The following ENTPD5 variants were observed in gnomAD, a reference collection of about 807,000 sequenced individuals.
ENTPD5 encodes nucleoside diphosphate phosphatase ENTPD5.
In ENTPD5, 49 loss-of-function variants were observed where a neutral mutation model predicts 60.2. The observed-to-expected ratio is 0.81, with a 90% CI of 0.65 to 1.03. The LOEUF (loss-of-function observed/expected upper bound fraction) is 1.03, where lower values mean the gene tolerates loss of function less well. Ranked by LOEUF, ENTPD5 falls within the 50% of genes least tolerant of loss-of-function variation. ENTPD5 has a pLI of 0.00. For synonymous variants in ENTPD5, 187 were observed against 185.4 expected, an observed-to-expected ratio of 1.01 and a Z score of -0.07; for missense variants, 480 against 507.6, an observed-to-expected ratio of 0.95 and a Z score of 0.52.
Position 73,988,046 on chromosome 14 carries a change from G to A in ENTPD5, c.57C>T (p.Ser19=), listed in dbSNP as rs774219972. The A allele has an allele frequency of 1.4e-5, 22 of 1,613,784 alleles. No individual in the cohort carries two copies. Among genetic ancestry groups the A allele is most frequent in the Admixed American group, 1.7e-5 (1 of 59,962 alleles). The stretch of plus-strand genomic sequence containing the variant: ...TCTGCTGGTTCCTGTGGGAGACAGC[G>A]CTGCAAACACAGGATACCACCAGCA... ...FFMLVVSCVC[S]AVSHRNQQTW... Residue 19 remains serine, a synonymous_variant, in exon 4 of 16, where the codon AGC becomes AGT. Coordinates refer to ENST00000334696, the MANE Select transcript of ENTPD5 (RefSeq NM_001249.5).
intron 3 of ENTPD5, among the ~76,000 whole-genome samples, chr14:73,988,823 T>A (rs77704848): frequency 4.6e-5 from 7 of 152,250 alleles, no homozygotes; most frequent in East Asian, 3.9e-4. Context: ...CCTTTGCTTT[T>A]TTTTATTTTA....
At chr14:74,009,863 C>T (rs1380655515) in intron 3 of ENTPD5, among the ~76,000 whole-genome samples, 1 of 152,046 alleles carries the variant, frequency 6.6e-6, no homozygotes, top group Non-Finnish European at 1.5e-5. Flanking sequence ...ATGATCTCGG[C>T]TCATTGCAAG....
At chr14:73,982,006 A>C (rs2057710705) in intron 6 of ENTPD5, among the ~76,000 whole-genome samples, 1 of 152,214 alleles carries the variant, frequency 6.6e-6, no homozygotes, top group Non-Finnish European at 1.5e-5. Flanking sequence ...AACTCACTAT[A>C]AAAGAGCATG....
chr14:73,988,491 T>A (rs561144966), intron 3 of ENTPD5, among the ~76,000 whole-genome samples: 1 of 152,252 alleles, frequency 6.6e-6, no homozygotes, highest in Non-Finnish European at 1.5e-5. Context: ...ATCTAGGATA[T>A]CTATTACAAC....
chr14:73,975,012 C>A (rs764821010), intron 10 of ENTPD5, 27 bp from the exon 11 acceptor site: 1 of 1,565,796 alleles, frequency 6.4e-7, no homozygotes, highest in Non-Finnish European at 8.8e-7. Context: ...TGACTAATTT[C>A]ATGCTGGTCC....
chr14:73,997,020 C>T (rs1370649795), intron 3 of ENTPD5, among the ~76,000 whole-genome samples: 2 of 152,198 alleles, frequency 1.3e-5, no homozygotes, highest in East Asian at 3.9e-4. Context: ...CAGAAATGCA[C>T]ACAAAGTGCT....
At chr14:73,990,363 C>G (rs1268014998) in intron 3 of ENTPD5, among the ~76,000 whole-genome samples, 2 of 143,962 alleles carry the variant, frequency 1.4e-5, no homozygotes, top group South Asian at 2.2e-4. Flanking sequence ...GAGACAGGGT[C>G]TCACTCTGTC....
intron 3 of ENTPD5, chr14:74,003,408 T>C: frequency 1.2e-6 from 1 of 830,984 alleles, no homozygotes; most frequent in South Asian, 1.4e-5. Flanking sequence ...GAGAGCTAAG[T>C]GGAGGAAAAA....
intron 2 of ENTPD5, among the ~76,000 whole-genome samples, chr14:74,012,051 G>A (rs562173580): frequency 2.6e-5 from 4 of 152,214 alleles, no homozygotes; most frequent in South Asian, 2.1e-4. Flanking sequence ...TTTGACTCAC[G>A]CAACCCATGT....
chr14:73,959,727 G>T (rs921395618), downstream of ENTPD5: 9 of 1,156,670 alleles, frequency 7.8e-6, no homozygotes, highest in Non-Finnish European at 1.1e-5. Context: ...GTGCCACCAT[G>T]CCCAGCTAAT....
rs183635190 is a variant in ENTPD5 at position 73,976,999 on chromosome 14, A to G, written c.553+25T>C. ...TGCATGTAAAAGCTAGTTAAGCTCT[A>G]AAGATAAACTTGAGGATGTATTACC... On this transcript the variant is annotated intron_variant, in intron 8 of 15. Coordinates refer to ENST00000334696, the MANE Select transcript of ENTPD5 (RefSeq NM_001249.5). The G allele has an allele frequency of 7.8e-5, 124 of 1,593,664 alleles. No homozygotes were observed. In the African/African-American group the frequency reaches 1.5e-3, roughly 19 times the overall value.
At chr14:73,974,063 G>A in intron 11 of ENTPD5, 85 bp from the exon 12 acceptor site, 1 of 1,060,068 alleles carries the variant, frequency 9.4e-7, no homozygotes, top group Non-Finnish European at 1.5e-6. Flanking sequence ...AGGTGGAAAA[G>A]AATCACCATG....
rs908547404 is a variant in ENTPD5, at chr14:73,986,912, A to T, written c.218-19T>A. On this transcript the variant is annotated intron_variant, in intron 4 of 15. Transcript: ENST00000334696. ...AGCTGTCCTATTTTGTCCATGGAAC[A>T]AAACAGAAGAGAGAGCTGGTTACCA... 3 of 1,600,502 alleles carry T rather than the reference A, an allele frequency of 1.9e-6. No homozygotes were observed. Among genetic ancestry groups the T allele is most frequent in the African/African-American group, 2.7e-5 (2 of 74,630 alleles).
chr14:73,961,956 CT>C (rs996483757), downstream of ENTPD5: 23 of 1,599,160 alleles, frequency 1.4e-5, 1 homozygote, highest in Admixed American at 1.0e-4. Flanking sequence ...ATTTCTTTTG[CT>C]TTTTTTTGAA....
rs749380446 is a variant in ENTPD5, at chr14:73,966,922, G to A, written c.*6C>T. 63 of 1,611,506 alleles carry A rather than the reference G, an allele frequency of 3.9e-5. No homozygotes were observed. The highest frequency in any genetic ancestry group is 4.4e-5 in the Non-Finnish European group (52 of 1,177,744). ...CAAATGCAGGTCTCCAAGGAAGTACGTGGCCTCAATGGGAGATGCCCAGAG... is the reference window on the plus strand; with the variant it reads ...CAAATGCAGGTCTCCAAGGAAGTACATGGCCTCAATGGGAGATGCCCAGAG... On this transcript the variant is annotated 3_prime_UTR_variant, in exon 16 of 16. Transcript: ENST00000334696.
At chr14:73,959,789 C>CA, downstream of ENTPD5, 2 of 1,248,426 alleles carry the variant, frequency 1.6e-6, no homozygotes, top group Non-Finnish European at 2.1e-6. Flanking sequence ...AGGCTGGTCT[C>CA]AAACTCCTGA....
At chr14:74,004,788 T>C (rs1053909372) in intron 3 of ENTPD5, among the ~76,000 whole-genome samples, 1 of 152,122 alleles carries the variant, frequency 6.6e-6, no homozygotes, top group Non-Finnish European at 1.5e-5. Context: ...TTTATGACTT[T>C]GTTTTGGAAG....
intron 5 of ENTPD5, 128 bp downstream of exon 5, chr14:73,986,686 A>G: frequency 1.4e-6 from 1 of 713,472 alleles, no homozygotes; most frequent in Non-Finnish European, 2.5e-6. Flanking sequence ...AGATTAGCTG[A>G]GGAGAGAAAG....
chr14:73,973,205 A>G (rs2057303998), intron 12 of ENTPD5, among the ~76,000 whole-genome samples, 181 bp from the exon 13 acceptor site: 1 of 152,230 alleles, frequency 6.6e-6, no homozygotes, highest in African/African-American at 2.4e-5. Context: ...CAGCCTCACC[A>G]GTCTGTTTCT....
Sources: allele counts gnomAD v4.1 joint callset (sites outside exome capture counted in the v4.1 genomes callset), GRCh38; gene constraint gnomAD v4.1.1; transcripts MANE v1.5; gene names NCBI Gene and HGNC (gene_info 2026-07-23, HGNC 2026-07-21).